CACNA1C: variants seen among roughly 807,000 people sequenced by gnomAD.
CACNA1C encodes voltage-dependent L-type calcium channel subunit alpha-1C.
A neutral mutation model predicts 229.0 loss-of-function variants in CACNA1C; 30 were observed. That is an observed-to-expected ratio of 0.13 (90% CI 0.10 to 0.18). The LOEUF is 0.18. Among genes scored for constraint, CACNA1C ranks in the 10% least tolerant of loss-of-function variants. CACNA1C has a pLI of 1.00. For missense variants in CACNA1C, 1,658 were observed against 2,845.0 expected (o/e 0.58, Z 9.49); for synonymous variants, 1,114 against 1,132.5 (o/e 0.98, Z 0.33).
chr12:2,257,254 A>G (rs2078306308), intron 3 of CACNA1C, among the ~76,000 whole-genome samples: 1 of 152,174 alleles, frequency 6.6e-6, no homozygotes, highest in African/African-American at 2.4e-5. Context: ...CTGTCTCCAA[A>G]GGAGGTTGAG....
chr12:2,341,138 G>A (rs2096850823), intron 3 of CACNA1C, among the ~76,000 whole-genome samples: 1 of 152,154 alleles, frequency 6.6e-6, no homozygotes, highest in African/African-American at 2.4e-5. Flanking sequence ...GCCTCTTCCT[G>A]TTTTCACCTG....
rs919881457 is a variant in CACNA1C, at chr12:2,053,278, A to T, written c.-285A>T. ...TTTTTTCAAATGGTGTAGCCGCCGG[A>T]GGTGCGGTGCTCAGTTCTTGGAAGG... On this transcript the variant is annotated 5_prime_UTR_variant, in exon 1 of 47. Coordinates refer to ENST00000399655, the MANE Select transcript of CACNA1C (RefSeq NM_000719.7). The surrounding 1 kb of genome is among the most constrained non-coding windows in gnomAD (Gnocchi z 5.8). The T allele has an allele frequency of 8.9e-7, 1 of 1,125,038 alleles. No homozygotes were observed. The allele number at this position is 1,125,038 out of a possible 1,614,324, so 69.7% of individuals were successfully genotyped here.
At chr12:2,209,867 T>C (rs1331862400) in intron 3 of CACNA1C, among the ~76,000 whole-genome samples, 1 of 152,260 alleles carries the variant, frequency 6.6e-6, no homozygotes, top group African/African-American at 2.4e-5. Context: ...AGGTTTAAGA[T>C]ACAGTTATTT....
At chr12:2,552,676 G>A (rs1303397253) in intron 10 of CACNA1C, among the ~76,000 whole-genome samples, 2 of 152,208 alleles carry the variant, frequency 1.3e-5, no homozygotes, top group Non-Finnish European at 2.9e-5. Flanking sequence ...AGCAGCTCAG[G>A]CTGCAGAGGG....
At chr12:2,243,973 C>G (rs2071814446) in intron 3 of CACNA1C, among the ~76,000 whole-genome samples, 1 of 152,158 alleles carries the variant, frequency 6.6e-6, no homozygotes, top group African/African-American at 2.4e-5. Context: ...AACTTCAGGC[C>G]AACTATGTAC....
At chr12:1,983,737 T>G (rs531513091) in intron 1 of CACNA1C, among the ~76,000 whole-genome samples, 19 of 152,236 alleles carry the variant, frequency 1.2e-4, no homozygotes, top group African/African-American at 3.6e-4. Context: ...CAGCTGTGTT[T>G]AGTTGATAGT....
chr12:2,127,066 A>G (rs1446195794), intron 3 of CACNA1C, among the ~76,000 whole-genome samples: 1 of 152,300 alleles, frequency 6.6e-6, no homozygotes, highest in African/African-American at 2.4e-5. Flanking sequence ...GCTGGGATCC[A>G]TTAATGGCCA....
chr12:2,449,163 G>C (rs1289278860), intron 4 of CACNA1C, 48 bp downstream of exon 4: 1 of 1,408,796 alleles, frequency 7.1e-7, no homozygotes, highest in Non-Finnish European at 9.4e-7. Context: ...CAGTGTTGCG[G>C]GACTTTTCCT....
rs746510236 is a variant in CACNA1C, at chr12:2,595,913, C to G, written c.2703C>G (p.Ile901Met). The G allele has an allele frequency of 6.2e-7, 1 of 1,613,768 alleles. No homozygotes were observed. The highest frequency in any genetic ancestry group is 8.5e-7 in the Non-Finnish European group (1 of 1,179,812). ...GCCACCGCATTGTCAATGACACGAT[C>G]TTCACCAACCTGATCCTCTTCTTCA... ...LQCHRIVNDT[I>M]FTNLILFFIL... The change falls in exon 20 of 47, where the codon ATC (isoleucine) becomes ATG (methionine). Residue 901 changes from isoleucine to methionine, a missense_variant. Transcript: ENST00000399655. This position sits in a 1 kb window ranked among gnomAD's most constrained non-coding sequence, Gnocchi z 4.1.
intron 1 of CACNA1C, among the ~76,000 whole-genome samples, chr12:2,041,389 G>A (rs145791331): frequency 0.027 from 3,919 of 144,380 alleles, 176 homozygotes; most frequent in African/African-American, 0.096. Flanking sequence ...CCATTCTCCC[G>A]CCTCAGCCTC....
At chr12:1,973,034 A>C (rs897862711) in intron 1 of CACNA1C, among the ~76,000 whole-genome samples, 1 of 152,136 alleles carries the variant, frequency 6.6e-6, no homozygotes, top group African/African-American at 2.4e-5. Flanking sequence ...GAATGTTTGC[A>C]CTCAAAATGC....
intron 8 of CACNA1C, among the ~76,000 whole-genome samples, chr12:2,510,188 G>A (rs955777397): frequency 1.3e-5 from 2 of 152,232 alleles, no homozygotes; most frequent in Non-Finnish European, 2.9e-5. Flanking sequence ...CCTGGGCCCA[G>A]TGCAGACTGT....
intron 3 of CACNA1C, among the ~76,000 whole-genome samples, chr12:2,308,844 T>C (rs1592318220): frequency 6.6e-6 from 1 of 152,228 alleles, no homozygotes; most frequent in Non-Finnish European, 1.5e-5. Flanking sequence ...TGACAAGTAT[T>C]GATGAGGATA....
At chr12:2,606,584 T>C (rs1363309435) in intron 24 of CACNA1C, 27 bp from the exon 25 acceptor site, 2 of 1,582,632 alleles carry the variant, frequency 1.3e-6, no homozygotes, top group Non-Finnish European at 1.7e-6. Context: ...ACTGAACATC[T>C]CTGATACTCT....
rs1246432180 is a variant in CACNA1C, at chr12:2,654,252, G to A, written c.4140+352G>A. On this transcript the variant is annotated intron_variant, in intron 33 of 46. Transcript: ENST00000399655. This position sits in a 1 kb window ranked among gnomAD's most constrained non-coding sequence, Gnocchi z 4.4. ...CAAGAAACAGCAGCAAGGTGTGTCT[G>A]TTTGTGTCCAGCACCCCTGTTTGTG... is the stretch of plus-strand genomic sequence containing the variant. 1.3e-5 allele frequency among the ~76,000 whole-genome samples: 2 copies of A among 152,228 alleles called. No homozygotes were observed. Among genetic ancestry groups the A allele is most frequent in the African/African-American group, 2.4e-5 (1 of 41,464 alleles).
rs1039190903 is a variant in CACNA1C, at chr12:2,694,769, A to G, written c.*3570A>G. ...TTTCCATGCCCAAGTTCATCTCCTG[A>G]GCAACAGTGACACCTAGAAAATGAG... On this transcript the variant is annotated 3_prime_UTR_variant, in exon 47 of 47. Transcript: ENST00000399655. The G allele has an allele frequency of 1.3e-5, 2 of 152,236 alleles. No individual in the cohort carries two copies. The highest frequency in any genetic ancestry group is 6.5e-5 in the Admixed American group (1 of 15,282). 9.4% of individuals were successfully genotyped at this position (152,236 alleles called of 1,614,324 possible).
chr12:2,644,555 T>C (rs908923944), intron 30 of CACNA1C, among the ~76,000 whole-genome samples: 2 of 152,226 alleles, frequency 1.3e-5, no homozygotes, highest in Non-Finnish European at 2.9e-5. Flanking sequence ...CCATGTAATG[T>C]GGCAACCAGG....
chr12:2,525,082 A>G (rs2099816334), intron 9 of CACNA1C, among the ~76,000 whole-genome samples: 1 of 152,228 alleles, frequency 6.6e-6, no homozygotes, highest in South Asian at 2.1e-4. Flanking sequence ...AGCCAAAAAG[A>G]AAGATCAGGA....
At chr12:2,341,564 G>A (rs1203730468) in intron 3 of CACNA1C, among the ~76,000 whole-genome samples, 2 of 152,134 alleles carry the variant, frequency 1.3e-5, no homozygotes, top group East Asian at 1.9e-4. Context: ...GCAGCCTCCC[G>A]CGGAGCCCTG....
Sources: gnomAD v4.1 joint callset for allele counts (sites outside exome capture counted in the v4.1 genomes callset) on GRCh38, gnomAD v4.1.1 for gene constraint, Gnocchi (gnomAD v3.1) non-coding constraint, MANE v1.5 for transcripts, NCBI Gene and HGNC (gene_info 2026-07-23, HGNC 2026-07-21) for gene names.